The following KCNH8 variants were observed in gnomAD, a reference collection of about 807,000 sequenced individuals.
The protein encoded by KCNH8 is voltage-gated delayed rectifier potassium channel KCNH8.
In KCNH8, 70 loss-of-function variants were observed where a neutral mutation model predicts 103.6. That is an observed-to-expected ratio of 0.68 (90% CI 0.56 to 0.82). KCNH8 has a LOEUF of 0.82. Among genes scored for constraint, KCNH8 ranks in the 40% least tolerant of loss-of-function variants. The pLI is 0.00. For missense variants in KCNH8, 1,217 were observed against 1,329.9 expected (o/e 0.92, Z 1.32); for synonymous variants, 498 against 489.4 (o/e 1.02, Z -0.23).
At chr3:19,520,262 G>A (rs1392893786) in intron 15 of KCNH8, among the ~76,000 whole-genome samples, 1 of 150,270 alleles carries the variant, frequency 6.7e-6, no homozygotes, top group Admixed American at 6.7e-5. Flanking sequence ...TTTTTATCTT[G>A]TCAAACATTT....
intron 1 of KCNH8, among the ~76,000 whole-genome samples, chr3:19,219,180 A>G (rs1370951335): frequency 6.6e-6 from 1 of 151,956 alleles, no homozygotes; most frequent in Non-Finnish European, 1.5e-5. Flanking sequence ...TTTCATCCTC[A>G]CTACCACTGT....
intron 5 of KCNH8, among the ~76,000 whole-genome samples, chr3:19,354,412 C>T (rs575852794): frequency 2.0e-4 from 30 of 152,188 alleles, no homozygotes; most frequent in South Asian, 8.3e-4. Context: ...AAAAAGAGCC[C>T]GCATTGCCAA....
rs559123028 is a variant in KCNH8, at chr3:19,178,178, T to TA, written c.76+29393dup. Among the ~76,000 whole-genome samples, 28 of 151,108 alleles carry TA rather than the reference T, an allele frequency of 1.9e-4. No individual in the cohort carries two copies. The East Asian group carries it at 2.1e-3, about 11-fold the overall frequency. On this transcript the variant is annotated intron_variant, in intron 1 of 15. Transcript: ENST00000328405. Reference sequence around the variant, plus strand: ...AGATTTAGAATTGAGGCTTCTGAAATAAAAAAAAAATTACTTATTTGTATT... The same window carrying TA: ...AGATTTAGAATTGAGGCTTCTGAAATAAAAAAAAAAATTACTTATTTGTATT...
At chr3:19,248,746 A>T (rs767581118) in intron 1 of KCNH8, among the ~76,000 whole-genome samples, 2 of 152,168 alleles carry the variant, frequency 1.3e-5, no homozygotes, top group Admixed American at 6.5e-5. Flanking sequence ...TAGTGGATCA[A>T]TGTTTATGCT....
At chr3:19,298,278 G>A (rs1200731837) in intron 3 of KCNH8, among the ~76,000 whole-genome samples, 1 of 152,178 alleles carries the variant, frequency 6.6e-6, no homozygotes, top group African/African-American at 2.4e-5. Context: ...GCCAGGTCAC[G>A]GTGATGGAAG....
intron 1 of KCNH8, among the ~76,000 whole-genome samples, chr3:19,195,988 T>C (rs923524570): frequency 3.3e-5 from 5 of 152,054 alleles, no homozygotes; most frequent in Non-Finnish European, 7.4e-5. Context: ...ATCTACTTCC[T>C]GAGTATGTTT....
chr3:19,162,694 C>T (rs1019858371), intron 1 of KCNH8, among the ~76,000 whole-genome samples: 8 of 151,738 alleles, frequency 5.3e-5, no homozygotes, highest in East Asian at 1.9e-4. Context: ...ATTTAAGTTC[C>T]GTACTGATTT....
Position 19,450,322 on chromosome 3 carries a change from A to G in KCNH8, c.1575+17A>G, listed in dbSNP as rs377359645. ...TCAAATGAGGTAATGTTCATTTCTCATGTTGTTTTCAGGCAGAAAGCACAT... is the reference window on the plus strand; with the variant it reads ...TCAAATGAGGTAATGTTCATTTCTCGTGTTGTTTTCAGGCAGAAAGCACAT... On this transcript the variant is annotated intron_variant, in intron 9 of 15. Coordinates refer to ENST00000328405, the MANE Select transcript of KCNH8 (RefSeq NM_144633.3). The G allele has an allele frequency of 2.5e-6, 4 of 1,595,550 alleles. No homozygotes were observed. Among genetic ancestry groups the G allele is most frequent in the Non-Finnish European group, 3.4e-6 (4 of 1,163,402 alleles).
intron 3 of KCNH8, among the ~76,000 whole-genome samples, chr3:19,288,865 C>A (rs949187870): frequency 5.9e-5 from 9 of 152,130 alleles, no homozygotes; most frequent in Non-Finnish European, 8.8e-5. Flanking sequence ...AAGTGTTCCT[C>A]TTTCTCCACA....
intron 1 of KCNH8, among the ~76,000 whole-genome samples, chr3:19,224,329 A>C (rs1441761369): frequency 6.6e-6 from 1 of 152,144 alleles, no homozygotes; most frequent in Admixed American, 6.5e-5. Context: ...AATGTAATCT[A>C]TTAAAAGTTG....
chr3:19,373,567 A>G (rs1040061492), intron 5 of KCNH8, among the ~76,000 whole-genome samples: 1 of 151,834 alleles, frequency 6.6e-6, no homozygotes, highest in Non-Finnish European at 1.5e-5. Flanking sequence ...CAGCTCCTGG[A>G]TTCATTAATT....
chr3:19,281,367 A>G, intron 3 of KCNH8, 38 bp downstream of exon 3: 1 of 1,542,690 alleles, frequency 6.5e-7, no homozygotes, highest in South Asian at 1.2e-5. Flanking sequence ...CAGATGGAGT[A>G]ACATTTTGAA....
At position 19,319,878 on chromosome 3, in the gene KCNH8, C is replaced by T. The variant is rs562277033; in HGVS notation, c.443-22709C>T. ...AGTTTTTCTTGTAGAGGTCTTTCAC[C>T]TCTTTGGTTAAGTATATTCCTAAGT... On this transcript the variant is annotated intron_variant, in intron 3 of 15. Transcript: ENST00000328405. 1.1e-4 allele frequency among the ~76,000 whole-genome samples: 17 copies of T among 152,026 alleles called. No individual in the cohort carries two copies. In the East Asian group the frequency reaches 3.3e-3, roughly 29 times the overall value.
intron 1 of KCNH8, among the ~76,000 whole-genome samples, chr3:19,199,449 C>A (rs2063634521): frequency 6.6e-6 from 1 of 151,746 alleles, no homozygotes; most frequent in African/African-American, 2.4e-5. Flanking sequence ...TCTTGTAATA[C>A]CAAAAATTCT....
intron 1 of KCNH8, among the ~76,000 whole-genome samples, chr3:19,174,659 T>A (rs973790470): frequency 1.3e-5 from 2 of 152,034 alleles, no homozygotes; most frequent in Non-Finnish European, 2.9e-5. Flanking sequence ...ATTCAATTAG[T>A]TAGGCATTTA....
At chr3:19,236,710 CCATTAA>C (rs2064070950) in intron 1 of KCNH8, among the ~76,000 whole-genome samples, 2 of 151,980 alleles carry the variant, frequency 1.3e-5, no homozygotes, top group African/African-American at 4.8e-5. Flanking sequence ...GGTATAGATT[CCATTAA>C]TAGACATCCA....
chr3:19,389,686 G>A (rs1336221599), intron 5 of KCNH8, among the ~76,000 whole-genome samples: 1 of 151,972 alleles, frequency 6.6e-6, no homozygotes, highest in African/African-American at 2.4e-5. Context: ...TGGAGTGCAT[G>A]GTGCAATCAT....
At position 19,382,292 on chromosome 3, in the gene KCNH8, G is replaced by A. The variant is rs540287091; in HGVS notation, c.812-8189G>A. Among the ~76,000 whole-genome samples, 8 of 152,206 alleles carry A rather than the reference G, an allele frequency of 5.3e-5. No homozygotes were observed. The South Asian group carries it at 6.2e-4, about 12-fold the overall frequency. On this transcript the variant is annotated intron_variant, in intron 5 of 15. Transcript: ENST00000328405. ...TATAGTAAATCATGTTTTGGTGGCCGTATACAGACAGACTCTTAAAGTGTA... is the reference window on the plus strand; with the variant it reads ...TATAGTAAATCATGTTTTGGTGGCCATATACAGACAGACTCTTAAAGTGTA...
chr3:19,399,528 G>C (rs2066577252), intron 7 of KCNH8, among the ~76,000 whole-genome samples: 1 of 151,916 alleles, frequency 6.6e-6, no homozygotes, highest in South Asian at 2.1e-4. Flanking sequence ...TCAGGCATGT[G>C]ATTTTGACCA....
Sources: allele counts gnomAD v4.1 joint callset (sites outside exome capture counted in the v4.1 genomes callset), GRCh38; gene constraint gnomAD v4.1.1; transcripts MANE v1.5; gene names NCBI Gene and HGNC (gene_info 2026-07-23, HGNC 2026-07-21).